The following RTN1 variants were observed in gnomAD, a reference collection of about 807,000 sequenced individuals.
RTN1 encodes reticulon 1.
In RTN1, 25 loss-of-function variants were observed where a neutral mutation model predicts 65.5. The ratio of observed to expected loss-of-function variants is 0.38; its 90% CI spans 0.28 to 0.53. The LOEUF (loss-of-function observed/expected upper bound fraction) is 0.53. Among genes scored for constraint, RTN1 ranks in the 20% least tolerant of loss-of-function variants. The probability of loss-of-function intolerance (pLI) is 0.79; values close to 1 mark genes in which losing one functional copy is unlikely to be tolerated. For missense variants in RTN1, 983 were observed against 1,025.4 expected (o/e 0.96, Z 0.57); for synonymous variants, 471 against 447.6 (o/e 1.05, Z -0.66).
rs1211397231 is a variant in RTN1 at position 59,746,025 on chromosome 14, G to A, written c.698C>T (p.Pro233Leu). 1.2e-6 allele frequency: 2 copies of A among 1,614,134 alleles called. No homozygotes were observed. The highest frequency in any genetic ancestry group is 1.6e-4 in the Middle Eastern group (1 of 6,062). ...KNKDTDISIK[P>L]EGVREPDKPA... Reference sequence around the variant, plus strand: ...TTTGTCAGGTTCACGGACTCCTTCAGGTTTAATTGAGATGTCAGTGTCTTT... The same window carrying A: ...TTTGTCAGGTTCACGGACTCCTTCAAGTTTAATTGAGATGTCAGTGTCTTT... The change falls in exon 2 of 9, where the codon CCT becomes CTT. Residue 233 changes from proline (P) to leucine (L), a missense_variant. Transcript: ENST00000267484.
chr14:59,617,565 A>G (rs1882138017), intron 3 of RTN1, among the ~76,000 whole-genome samples: 1 of 152,208 alleles, frequency 6.6e-6, no homozygotes, highest in African/African-American at 2.4e-5. Flanking sequence ...GACTGGAGAG[A>G]GAAAAATTAT....
chr14:59,687,881 G>T (rs182077124), intron 3 of RTN1, among the ~76,000 whole-genome samples: 1 of 151,934 alleles, frequency 6.6e-6, no homozygotes, highest in East Asian at 2.0e-4. Context: ...CTTGGTGAAG[G>T]GGGGCCTTCT....
chr14:59,653,893 TTTTATTTA>T (rs142064095), intron 3 of RTN1, among the ~76,000 whole-genome samples: 4 of 151,778 alleles, frequency 2.6e-5, no homozygotes, highest in South Asian at 2.1e-4. Flanking sequence ...TTGAACAACA[TTTTATTTA>T]TTTATTTATT....
chr14:59,666,210 A>G (rs1277284652), intron 3 of RTN1, among the ~76,000 whole-genome samples: 4 of 152,158 alleles, frequency 2.6e-5, no homozygotes, highest in Admixed American at 2.6e-4. Flanking sequence ...TCCTCAGCAA[A>G]TGTAAAAGAA....
At chr14:59,813,886 T>TA (rs1283293920) in intron 1 of RTN1, among the ~76,000 whole-genome samples, 3 of 152,224 alleles carry the variant, frequency 2.0e-5, no homozygotes, top group African/African-American at 7.2e-5. Flanking sequence ...AATTTTTTTT[T>TA]ACTGATAGAC....
intron 3 of RTN1, among the ~76,000 whole-genome samples, chr14:59,612,293 C>T (rs1881974840): frequency 6.6e-6 from 1 of 152,142 alleles, no homozygotes; most frequent in South Asian, 2.1e-4. Context: ...ACTGCTATAG[C>T]ACAAGTGAGC....
chr14:59,600,766 A>C (rs1009673953), intron 8 of RTN1, among the ~76,000 whole-genome samples: 6 of 152,226 alleles, frequency 3.9e-5, no homozygotes, highest in Admixed American at 3.3e-4. Context: ...GCTCAATTAC[A>C]GAAGCCATAT....
chr14:59,799,332 T>C (rs935694546), intron 1 of RTN1, among the ~76,000 whole-genome samples: 1 of 152,194 alleles, frequency 6.6e-6, no homozygotes, highest in African/African-American at 2.4e-5. Flanking sequence ...TCTTAACAAG[T>C]GGAAAGCTTC....
chr14:59,779,361 C>G (rs1021677654), intron 1 of RTN1, among the ~76,000 whole-genome samples: 1 of 151,992 alleles, frequency 6.6e-6, no homozygotes, highest in Admixed American at 6.6e-5. Flanking sequence ...ATCCCTTAAA[C>G]TGCCTGGGAA....
At chr14:59,683,853 T>A (rs1241906428) in intron 3 of RTN1, among the ~76,000 whole-genome samples, 1 of 152,096 alleles carries the variant, frequency 6.6e-6, no homozygotes, top group Non-Finnish European at 1.5e-5. Context: ...TCTTTGTTTT[T>A]TAGCTCTTGC....
chr14:59,753,935 A>G (rs1184006857), intron 1 of RTN1, among the ~76,000 whole-genome samples: 1 of 152,214 alleles, frequency 6.6e-6, no homozygotes, highest in African/African-American at 2.4e-5. Context: ...TAGAGGTCTA[A>G]TTCATGCAGA....
intron 3 of RTN1, among the ~76,000 whole-genome samples, chr14:59,665,913 A>C (rs1026763364): frequency 2.6e-5 from 4 of 152,070 alleles, no homozygotes; most frequent in African/African-American, 4.8e-5. Flanking sequence ...TATATGCACC[A>C]AATACAGGAG....
intron 1 of RTN1, among the ~76,000 whole-genome samples, chr14:59,856,758 G>A (rs1448857993): frequency 6.6e-6 from 1 of 152,152 alleles, no homozygotes; most frequent in Non-Finnish European, 1.5e-5. Flanking sequence ...AACATCTAAG[G>A]TTGAGGTTCA....
intron 3 of RTN1, among the ~76,000 whole-genome samples, chr14:59,618,744 A>C (rs756217226): frequency 6.6e-6 from 1 of 152,260 alleles, no homozygotes. Context: ...TGTCCCCAAA[A>C]GTTATGTAAA....
chr14:59,847,551 T>A (rs1887431799), intron 1 of RTN1, among the ~76,000 whole-genome samples: 1 of 152,214 alleles, frequency 6.6e-6, no homozygotes, highest in African/African-American at 2.4e-5. Context: ...TAGCTAAAGG[T>A]GTAAAACCCC....
chr14:59,742,525 C>T (rs998030692), intron 2 of RTN1, among the ~76,000 whole-genome samples: 19 of 152,092 alleles, frequency 1.2e-4, no homozygotes, highest in Middle Eastern at 6.8e-3. Flanking sequence ...TGTTGGAGAA[C>T]GTTACAAAAT....
At chr14:59,625,802 T>C (rs182956831) in intron 3 of RTN1, among the ~76,000 whole-genome samples, 10 of 152,306 alleles carry the variant, frequency 6.6e-5, no homozygotes, top group Admixed American at 3.9e-4. Context: ...AATATTTCCT[T>C]AAAAAGTTTT....
chr14:59,784,443 GAA>G (rs200051471), intron 1 of RTN1, among the ~76,000 whole-genome samples: 45 of 126,968 alleles, frequency 3.5e-4, no homozygotes, highest in South Asian at 2.3e-3. Flanking sequence ...CTCCGTCTCA[GAA>G]AAAAAAAAAA....
intron 1 of RTN1, among the ~76,000 whole-genome samples, chr14:59,865,864 C>A (rs746543557): frequency 1.3e-5 from 2 of 152,110 alleles, no homozygotes; most frequent in Non-Finnish European, 2.9e-5. Flanking sequence ...CTTGATGTAA[C>A]ATTTAGCCAG....
Sources: gnomAD v4.1 joint callset for allele counts (sites outside exome capture counted in the v4.1 genomes callset) on GRCh38, gnomAD v4.1.1 for gene constraint, MANE v1.5 for transcripts, NCBI Gene and HGNC (gene_info 2026-07-23, HGNC 2026-07-21) for gene names.